The following SORCS1 variants were observed in gnomAD, a reference collection of about 807,000 sequenced individuals.
SORCS1 encodes the protein VPS10 domain-containing receptor SorCS1.
In SORCS1, 60 loss-of-function variants were observed where a neutral mutation model predicts 146.1. The observed-to-expected ratio is 0.41, with a 90% CI of 0.33 to 0.51. The LOEUF is 0.51. SORCS1 is among the 20% of genes least tolerant of loss of function. The pLI is 0.21. For synonymous variants in SORCS1, 637 were observed against 584.0 expected, an observed-to-expected ratio of 1.09 and a Z score of -1.31; for missense variants, 1,352 against 1,487.6, an observed-to-expected ratio of 0.91 and a Z score of 1.50.
the SORCS1 span, among the ~76,000 whole-genome samples, chr10:107,173,437 G>T: frequency 6.6e-6 from 1 of 152,074 alleles, no homozygotes; most frequent in Admixed American, 6.6e-5. Context: ...GGATGGAGAT[G>T]TTAATTTGCT....
At chr10:106,600,821 A>G (rs1368770797) in intron 23 of SORCS1, 4 of 596,860 alleles carry the variant, frequency 6.7e-6, no homozygotes, top group Non-Finnish European at 8.4e-6. Context: ...TCCATTAAAA[A>G]TATTTTCCTT....
Position 106,789,512 on chromosome 10 carries a change from G to A in SORCS1, c.727-12820C>T, listed in dbSNP as rs1946214388. Among the ~76,000 whole-genome samples, 5 of 152,148 alleles carry A rather than the reference G, an allele frequency of 3.3e-5. No homozygotes were observed. The South Asian group carries it at 1.0e-3, about 32-fold the overall frequency. On this transcript the variant is annotated intron_variant, in intron 3 of 25. Coordinates refer to ENST00000263054, the MANE Select transcript of SORCS1 (RefSeq NM_052918.5). ...AAGTTCCACAGATCTCTAGGGCAGG[G>A]GCAAAATGCCACCAGTCTCTTTGCT...
At chr10:106,605,542 T>C (rs1846516315) in intron 23 of SORCS1, among the ~76,000 whole-genome samples, 1 of 152,226 alleles carries the variant, frequency 6.6e-6, no homozygotes, top group Non-Finnish European at 1.5e-5. Context: ...TGTTCCTATC[T>C]AAAGGCTTTG....
chr10:106,907,132 C>A (rs751733726), intron 2 of SORCS1, among the ~76,000 whole-genome samples: 2 of 152,090 alleles, frequency 1.3e-5, no homozygotes, highest in African/African-American at 4.8e-5. Context: ...TAACTGTGTA[C>A]ATGGTTTTGC....
chr10:107,159,688 T>C (rs1249325106), intron 1 of SORCS1, among the ~76,000 whole-genome samples: 3 of 152,168 alleles, frequency 2.0e-5, no homozygotes, highest in African/African-American at 4.8e-5. Flanking sequence ...AGATTCAAAC[T>C]CAAATCTGTT....
chr10:106,814,936 G>C (rs1021146896), intron 3 of SORCS1, among the ~76,000 whole-genome samples: 1 of 91,422 alleles, frequency 1.1e-5, no homozygotes, highest in African/African-American at 4.2e-5. Context: ...AAAAAAAAAA[G>C]GTGGTCTTAT....
upstream of SORCS1, among the ~76,000 whole-genome samples, chr10:107,169,360 A>G (rs892899718): frequency 4.6e-5 from 7 of 152,178 alleles, no homozygotes; most frequent in African/African-American, 1.4e-4. Context: ...CAACAGAATG[A>G]TGGGATTTTT....
Position 106,579,394 on chromosome 10 carries a change from C to G in SORCS1, c.3346G>C (p.Val1116Leu). ...LLSVVFVGLA[V>L]FVIYKFKRRV... is the part of the protein sequence containing the mutation. ...CTTTTAAACTTGTAGATGACGAACA[C>G]TGCCAGCCCCACAAACACCACTGAG... is the stretch of plus-strand genomic sequence containing the variant. The change falls in exon 25 of 26, where the codon GTG becomes CTG. Residue 1116 changes from valine (V) to leucine (L), a missense_variant. Around this residue, in one of 3 missense-constraint regions of SORCS1, gnomAD observed 214 missense variants for 204.8 expected, o/e 1.05. Coordinates refer to ENST00000263054, the MANE Select transcript of SORCS1 (RefSeq NM_052918.5). The G allele has an allele frequency of 6.2e-7, 1 of 1,613,974 alleles. No individual in the cohort carries two copies. Among genetic ancestry groups the G allele is most frequent in the Non-Finnish European group, 8.5e-7 (1 of 1,179,994 alleles).
At chr10:106,624,849 C>G (rs2133539645) in intron 19 of SORCS1, among the ~76,000 whole-genome samples, 1 of 152,248 alleles carries the variant, frequency 6.6e-6, no homozygotes, top group South Asian at 2.1e-4. Context: ...TTTAAAATAC[C>G]TGGTTCCTGC....
At chr10:106,702,607 T>A (rs569112855) in intron 8 of SORCS1, among the ~76,000 whole-genome samples, 372 of 152,356 alleles carry the variant, frequency 2.4e-3, no homozygotes, top group South Asian at 3.9e-3. Context: ...TCTCTAGATA[T>A]GAGCTGAGTT....
rs564961533 is a variant in SORCS1, at chr10:106,908,756, C to T, written c.626+47757G>A. Among the ~76,000 whole-genome samples, 19 of 152,278 alleles carry T rather than the reference C, an allele frequency of 1.2e-4. No individual in the cohort carries two copies. The East Asian group carries it at 1.9e-3, about 16-fold the overall frequency. On this transcript the variant is annotated intron_variant, in intron 2 of 25. Coordinates refer to ENST00000263054, the MANE Select transcript of SORCS1 (RefSeq NM_052918.5). ...CTTTGAGGCAATGGAAACTACCCTA[C>T]GTGAGCAGGCTGCACAGCTCCGCTT...
At chr10:106,748,477 C>G (rs566553446) in intron 5 of SORCS1, among the ~76,000 whole-genome samples, 64 of 152,040 alleles carry the variant, frequency 4.2e-4, no homozygotes, top group Non-Finnish European at 7.9e-4. Context: ...ACCAGCGATT[C>G]CCCCATCTCT....
At position 106,910,605 on chromosome 10, in the gene SORCS1, G is replaced by T. The variant is rs11818409; in HGVS notation, c.626+45908C>A. Among the ~76,000 whole-genome samples the T allele has an allele frequency of 4.0e-3, 604 of 152,204 alleles. 7 individuals are homozygous for T. The highest frequency in any genetic ancestry group is 0.014 in the African/African-American group (594 of 41,528). On this transcript the variant is annotated intron_variant, in intron 2 of 25. Coordinates refer to ENST00000263054, the MANE Select transcript of SORCS1 (RefSeq NM_052918.5). Reference sequence around the variant, plus strand: ...CCGTCGCTCACAGAAGGCAAAAACAGCCCTAGTAATTTGACAGTTGTTTTT... The same window carrying T: ...CCGTCGCTCACAGAAGGCAAAAACATCCCTAGTAATTTGACAGTTGTTTTT...
intron 1 of SORCS1, among the ~76,000 whole-genome samples, chr10:106,992,609 C>T (rs1956810260): frequency 6.6e-6 from 1 of 151,918 alleles, no homozygotes; most frequent in African/African-American, 2.4e-5. Context: ...CTCCTCCCAC[C>T]TCAGCTTCCC....
rs1023300719 is a variant in SORCS1 at position 106,576,137 on chromosome 10, A to C, written c.*1283T>G. 2 of 152,282 alleles carry C rather than the reference A, an allele frequency of 1.3e-5. No homozygotes were observed. The highest frequency in any genetic ancestry group is 4.8e-5 in the African/African-American group (2 of 41,466). The allele number at this position is 152,282 out of a possible 1,614,324, so 9.4% of individuals were successfully genotyped here. On this transcript the variant is annotated 3_prime_UTR_variant, in exon 26 of 26. Transcript: ENST00000263054. ...AGGTGGGAAAAGGCAGGGATATTTG[A>C]AAAAGGCAGGTTCTAGAGGAAAAGA...
At chr10:107,174,273 T>A in the SORCS1 span, among the ~76,000 whole-genome samples, 4 of 152,204 alleles carry the variant, frequency 2.6e-5, no homozygotes, top group Admixed American at 2.6e-4. Context: ...TGGCGCCATC[T>A]CGGCTCACTG....
rs1024731936 is a variant in SORCS1, at chr10:106,954,488, G to C, written c.626+2025C>G. On this transcript the variant is annotated intron_variant, in intron 2 of 25. Coordinates refer to ENST00000263054, the MANE Select transcript of SORCS1 (RefSeq NM_052918.5). Reference sequence around the variant, plus strand: ...ACTTTCAGTTACATCCCTGTAACCAGGGACTATATCCAGAACTGGAAGCTT... The same window carrying C: ...ACTTTCAGTTACATCCCTGTAACCACGGACTATATCCAGAACTGGAAGCTT... Among the ~76,000 whole-genome samples, 14 of 152,160 alleles carry C rather than the reference G, an allele frequency of 9.2e-5. 1 individual carries two copies. Among genetic ancestry groups the C allele is most frequent in the Admixed American group, 3.3e-4 (5 of 15,282 alleles).
intron 1 of SORCS1, among the ~76,000 whole-genome samples, chr10:106,980,096 T>C (rs1956189005): frequency 6.6e-6 from 1 of 152,204 alleles, no homozygotes; most frequent in African/African-American, 2.4e-5. Flanking sequence ...ACCCTGAGCA[T>C]ATTCCACCAC....
chr10:106,968,462 G>C (rs1358248814), intron 1 of SORCS1, among the ~76,000 whole-genome samples: 1 of 152,228 alleles, frequency 6.6e-6, no homozygotes, highest in African/African-American at 2.4e-5. Context: ...CAAACTGTGT[G>C]TTAACGATGA....
Sources: allele counts gnomAD v4.1 joint callset (sites outside exome capture counted in the v4.1 genomes callset), GRCh38; gene constraint gnomAD v4.1.1; regional missense constraint gnomAD v4.1.1; transcripts MANE v1.5; gene names NCBI Gene and HGNC (gene_info 2026-07-23, HGNC 2026-07-21).